TEX29: variants seen among roughly 807,000 people sequenced by gnomAD.
TEX29 encodes testis expressed 29.
In TEX29, 26 loss-of-function variants were observed where a neutral mutation model predicts 18.2. The observed-to-expected ratio is 1.43, with a 90% CI of 1.04 to 1.98. The LOEUF is 1.98. TEX29 is among the 30% of genes most tolerant of loss of function. TEX29 has a pLI of 0.00. For synonymous variants in TEX29, 83 were observed against 78.5 expected, an observed-to-expected ratio of 1.06 and a Z score of -0.31; for missense variants, 177 against 194.2, an observed-to-expected ratio of 0.91 and a Z score of 0.53.
At position 111,344,151 on chromosome 13, in the gene TEX29, T is replaced by A. The variant is rs2153642274; in HGVS notation, c.*28T>A. The A allele has an allele frequency of 6.2e-7, 1 of 1,602,002 alleles. No individual in the cohort carries two copies. Among genetic ancestry groups the A allele is most frequent in the South Asian group, 1.1e-5 (1 of 90,642 alleles). ...GAGACGCATGAAGAAGTGGAGATTG[T>A]CAGAATTATCCAAATGAAATGGTAC... On this transcript the variant is annotated 3_prime_UTR_variant, in exon 6 of 6. Coordinates refer to ENST00000283547, the MANE Select transcript of TEX29 (RefSeq NM_152324.3).
intron 3 of TEX29, chr13:111,339,203 GA>G (rs1354541718): frequency 8.8e-6 from 4 of 453,082 alleles, no homozygotes; most frequent in African/African-American, 8.0e-5. Flanking sequence ...GAAGGCACGG[GA>G]AACTTGGGGA....
At chr13:111,335,410 T>C (rs1189746350) in intron 3 of TEX29, among the ~76,000 whole-genome samples, 1 of 152,216 alleles carries the variant, frequency 6.6e-6, no homozygotes, top group East Asian at 1.9e-4. Flanking sequence ...TTCCAGCAGC[T>C]CGTCCTCTGA....
chr13:111,328,605 A>T (rs2093677923), intron 3 of TEX29, among the ~76,000 whole-genome samples: 1 of 151,910 alleles, frequency 6.6e-6, no homozygotes, highest in East Asian at 1.9e-4. Context: ...GTGGTTGCAG[A>T]GGCTGGATTT....
At chr13:111,317,703 G>A (rs576678406), upstream of TEX29, among the ~76,000 whole-genome samples, 14 of 152,330 alleles carry the variant, frequency 9.2e-5, no homozygotes, top group Non-Finnish European at 1.2e-4. Flanking sequence ...CTTTCTTCTC[G>A]CTGGCTCTGC....
At chr13:111,319,568 C>T (rs1018694181), upstream of TEX29, among the ~76,000 whole-genome samples, 14 of 152,236 alleles carry the variant, frequency 9.2e-5, no homozygotes, top group East Asian at 7.7e-4. Context: ...GCAGCGTCCT[C>T]GGCTCACCAT....
chr13:111,339,761 C>A (rs980299563), intron 3 of TEX29, 102 bp from the exon 4 acceptor site: 2 of 1,173,718 alleles, frequency 1.7e-6, no homozygotes, highest in East Asian at 2.4e-5. Context: ...GCAGCCGCGC[C>A]GGGAGGGCCC....
At chr13:111,325,069 C>T (rs532757255) in intron 2 of TEX29, among the ~76,000 whole-genome samples, 10 of 152,286 alleles carry the variant, frequency 6.6e-5, no homozygotes, top group Admixed American at 2.0e-4. Flanking sequence ...CCTCACTCCA[C>T]GGGCCCCCAT....
chr13:111,317,420 C>A (rs1044024010), upstream of TEX29, among the ~76,000 whole-genome samples: 1 of 152,114 alleles, frequency 6.6e-6, no homozygotes, highest in African/African-American at 2.4e-5. Flanking sequence ...GATGGCGTTG[C>A]CCTCTGGTGC....
At chr13:111,316,803 T>C (rs1356344737), upstream of TEX29, among the ~76,000 whole-genome samples, 1 of 152,164 alleles carries the variant, frequency 6.6e-6, no homozygotes, top group East Asian at 1.9e-4. Context: ...TGAGACTGGG[T>C]AATTTACAAA....
chr13:111,322,393 C>G (rs2093666273), intron 2 of TEX29, among the ~76,000 whole-genome samples: 1 of 152,364 alleles, frequency 6.6e-6, no homozygotes, highest in South Asian at 2.1e-4. Flanking sequence ...GAAAGCGCTC[C>G]CTCTTCCAGG....
intron 4 of TEX29, among the ~76,000 whole-genome samples, chr13:111,340,135 C>A (rs1254377674): frequency 6.6e-6 from 1 of 151,916 alleles, no homozygotes; most frequent in Non-Finnish European, 1.5e-5. Context: ...TGATGAAAAT[C>A]ATAACCCATG....
At chr13:111,327,336 T>C (rs1395490325) in intron 2 of TEX29, among the ~76,000 whole-genome samples, 1 of 152,132 alleles carries the variant, frequency 6.6e-6, no homozygotes, top group Admixed American at 6.5e-5. Flanking sequence ...CAAATGGGGC[T>C]CCTCAAGGGT....
Position 111,328,248 on chromosome 13 carries a change from G to C in TEX29, c.124G>C (p.Gly42Arg), listed in dbSNP as rs779588511. Residue 42 changes from glycine to arginine, a missense_variant, in exon 3 of 6, where the codon GGG becomes CGG. Coordinates refer to ENST00000283547, the MANE Select transcript of TEX29 (RefSeq NM_152324.3). ...CTCCAGGGACCGATGCCAGGAGCTCGGGTGCTGCTTCTACGAAGGCGTCTG... is the reference window on the plus strand; with the variant it reads ...CTCCAGGGACCGATGCCAGGAGCTCCGGTGCTGCTTCTACGAAGGCGTCTG... ...NVSRDRCQEL[G>R]CCFYEGVCYK... The C allele has an allele frequency of 1.2e-6, 2 of 1,614,028 alleles. No homozygotes were observed. The highest frequency in any genetic ancestry group is 2.2e-5 in the East Asian group (1 of 44,866).
chr13:111,342,855 G>A lies in TEX29; in HGVS notation c.339G>A (p.Lys113=), dbSNP rs772623011. The A allele has an allele frequency of 6.2e-7, 1 of 1,614,198 alleles. No individual in the cohort carries two copies. Among genetic ancestry groups the A allele is most frequent in the South Asian group, 1.1e-5 (1 of 91,086 alleles). ...CGGAGTTGGCCTCATCCAGCAGCAA[G>A]TTAGGGCTGAAGCCTGCGAGTCCTG... ...EKAELASSSS[K]LGLKPASPGP... is the part of the protein sequence containing the mutation. The change falls in exon 5 of 6, where the codon AAG becomes AAA. Residue 113 remains lysine, a synonymous_variant. Transcript: ENST00000283547.
At chr13:111,316,890 A>G (rs2093655502), upstream of TEX29, among the ~76,000 whole-genome samples, 2 of 152,072 alleles carry the variant, frequency 1.3e-5, no homozygotes, top group African/African-American at 4.8e-5. Flanking sequence ...GCAGAAGGGG[A>G]AGGGGAGGCA....
chr13:111,337,561 A>C (rs912985513), intron 3 of TEX29, among the ~76,000 whole-genome samples: 1 of 151,992 alleles, frequency 6.6e-6, no homozygotes, highest in African/African-American at 2.4e-5. Flanking sequence ...CTTTGGCTCC[A>C]GGGATCAGCG....
chr13:111,321,386 G>A (rs1374369596), intron 2 of TEX29, among the ~76,000 whole-genome samples: 1 of 152,140 alleles, frequency 6.6e-6, no homozygotes, highest in Admixed American at 6.5e-5. Flanking sequence ...ACTCACCACT[G>A]GGACTGGAAG....
chr13:111,322,860 T>C (rs11843490), intron 2 of TEX29, among the ~76,000 whole-genome samples: 16,246 of 152,096 alleles, frequency 0.11, 992 homozygotes, highest in African/African-American at 0.16. Flanking sequence ...TGGCTTGGAG[T>C]TGGCTCAGGT....
chr13:111,316,268 G>C (rs774918681), upstream of TEX29: 11 of 496,732 alleles, frequency 2.2e-5, no homozygotes, highest in South Asian at 1.3e-4. Flanking sequence ...GTAAGTATCT[G>C]TTGGATGAAT....
Sources: gnomAD v4.1 joint callset for allele counts (sites outside exome capture counted in the v4.1 genomes callset) on GRCh38, gnomAD v4.1.1 for gene constraint, MANE v1.5 for transcripts, NCBI Gene and HGNC (gene_info 2026-07-23, HGNC 2026-07-21) for gene names.